Variants in NEMP1 observed in about 807,000 individuals in gnomAD.
NEMP1 encodes transmembrane protein 194.
A neutral mutation model predicts 53.7 loss-of-function variants in NEMP1; 29 were observed. The observed-to-expected ratio is 0.54, with a 90% confidence interval of 0.40 to 0.74. The LOEUF (loss-of-function observed/expected upper bound fraction) is 0.74. NEMP1 is among the 30% of genes least tolerant of loss of function. The pLI, the probability that NEMP1 is intolerant of heterozygous loss-of-function variation, is 0.00. For missense variants in NEMP1, 477 were observed against 528.6 expected (o/e 0.90, Z 0.96); for synonymous variants, 193 against 192.9 (o/e 1.00, Z 0.00).
At position 57,059,608 on chromosome 12, in the gene NEMP1, C is replaced by T. The variant is rs148841771; in HGVS notation, c.*271G>A. 1,486 of 314,186 alleles carry T rather than the reference C, an allele frequency of 4.7e-3. 19 individuals are homozygous for T. The highest frequency in any genetic ancestry group is 0.029 in the African/African-American group (1,378 of 47,590). The allele number at this position is 314,186 out of a possible 1,614,324, so 19.5% of individuals were successfully genotyped here. A position where few individuals can be genotyped will look rare whatever the true frequency, so the allele number is the denominator to read the frequency against. On this transcript the variant is annotated 3_prime_UTR_variant, in exon 9 of 9. Transcript: ENST00000300128. ...GAATGCCATGCTAGCTGTGGCCATC[C>T]AATTTCTCTGGAAACATAAAAGTGG...
chr12:57,064,001 C>A (rs2031947589), intron 6 of NEMP1, 70 bp downstream of exon 6: 1 of 929,962 alleles, frequency 1.1e-6, no homozygotes, highest in African/African-American at 1.8e-5. Context: ...CAGGCAAAAT[C>A]TTTTCATGAT....
chr12:57,057,507 A>T lies in NEMP1; in HGVS notation c.*2372T>A, dbSNP rs542592830. ...AATCTCCGGAACACAGAGGATCTGA[A>T]GCATCTGGGCAGAGCCACAGGCAGG... On this transcript the variant is annotated 3_prime_UTR_variant, in exon 9 of 9. Coordinates refer to ENST00000300128, the MANE Select transcript of NEMP1 (RefSeq NM_001130963.2). 6.6e-6 allele frequency: 1 copy of T among 152,620 alleles called. No individual in the cohort carries two copies. Among genetic ancestry groups the T allele is most frequent in the African/African-American group, 2.4e-5 (1 of 41,464 alleles). 9.5% of individuals were successfully genotyped at this position (152,620 alleles called of 1,614,324 possible).
intron 7 of NEMP1, among the ~76,000 whole-genome samples, chr12:57,062,189 T>C (rs1481363985): frequency 2.0e-5 from 3 of 151,952 alleles, no homozygotes; most frequent in Non-Finnish European, 4.4e-5. Flanking sequence ...TGAGAAATAG[T>C]CTGAAATGGG....
chr12:57,081,423 A>G (rs774164240), upstream of NEMP1, among the ~76,000 whole-genome samples: 27 of 151,792 alleles, frequency 1.8e-4, no homozygotes, highest in Admixed American at 5.9e-4. Context: ...TCATATTTTT[A>G]GTAGAGATGG....
intron 3 of NEMP1, 63 bp from the exon 4 acceptor site, chr12:57,069,369 A>G: frequency 1.8e-6 from 2 of 1,113,342 alleles, no homozygotes; most frequent in South Asian, 1.5e-5. Flanking sequence ...TTATAGAATA[A>G]AAGACAACGT....
Position 57,064,170 on chromosome 12 carries a change from C to A in NEMP1, c.655G>T (p.Val219Phe). 6.2e-7 allele frequency: 1 copy of A among 1,604,698 alleles called. No individual in the cohort carries two copies. Among genetic ancestry groups the A allele is most frequent in the Non-Finnish European group, 8.5e-7 (1 of 1,176,184 alleles). ...KFMPKKSPIY[V>F]ILVGGWSFSL... ...AAAGACCAGCCTCCCACCAGGATGA[C>A]GTAAATGGGACTTTTCTAAGACAGA... Residue 219 changes from valine to phenylalanine, a missense_variant, in exon 6 of 9, where the codon GTC (valine) becomes TTC (phenylalanine). By Grantham distance (50) the Val-to-Phe change is conservative. Transcript: ENST00000300128.
chr12:57,069,248 T>C lies in NEMP1; in HGVS notation c.531A>G (p.Gly177=). ...TTGGAACCTACCTGCTCAGCAAGTC[T>C]CCACAAAAAAATAGCATAAGTCCAA... ...FLLGLMLFFC[G]DLLSRSQIFY... Residue 177 remains glycine (G), a synonymous_variant, in exon 4 of 9, where the codon GGA becomes GGG. Coordinates refer to ENST00000300128, the MANE Select transcript of NEMP1 (RefSeq NM_001130963.2). 5.8e-6 allele frequency: 9 copies of C among 1,546,920 alleles called. No homozygotes were observed. The highest frequency in any genetic ancestry group is 7.9e-6 in the Non-Finnish European group (9 of 1,145,784).
intron 1 of NEMP1, among the ~76,000 whole-genome samples, chr12:57,077,081 C>T (rs559421369): frequency 6.6e-6 from 1 of 152,190 alleles, no homozygotes; most frequent in African/African-American, 2.4e-5. Flanking sequence ...GCCTGTAATC[C>T]CAGCACTTTG....
chr12:57,079,888 A>G (rs1453308759), upstream of NEMP1, among the ~76,000 whole-genome samples: 2 of 152,124 alleles, frequency 1.3e-5, no homozygotes, highest in Non-Finnish European at 2.9e-5. Context: ...TTCCCACCTC[A>G]GCTTCCTAGA....
At position 57,072,926 on chromosome 12, in the gene NEMP1, A is replaced by T. The variant is rs757206462; in HGVS notation, c.128-14T>A. 3 of 1,598,572 alleles carry T rather than the reference A, an allele frequency of 1.9e-6. No homozygotes were observed. The African/African-American group carries it at 4.0e-5, about 22-fold the overall frequency. The stretch of plus-strand genomic sequence containing the variant: ...CATCAGTTTCAGCTTTATGCAAAGA[A>T]AGGAAACAAGAATTAAACATAACAA... On this transcript the variant is annotated splice_polypyrimidine_tract_variant and intron_variant, in intron 1 of 8. Coordinates refer to ENST00000300128, the MANE Select transcript of NEMP1 (RefSeq NM_001130963.2).
At chr12:57,062,488 A>T (rs1565656983) in intron 7 of NEMP1, among the ~76,000 whole-genome samples, 1 of 150,538 alleles carries the variant, frequency 6.6e-6, no homozygotes, top group Admixed American at 6.6e-5. Context: ...TCAAAAAAAA[A>T]ATCTGAACCC....
At chr12:57,060,690 G>T in intron 8 of NEMP1, 82 bp downstream of exon 8, 3 of 1,420,574 alleles carry the variant, frequency 2.1e-6, no homozygotes, top group South Asian at 1.4e-5. Context: ...ACAAGTGCAC[G>T]ATTCTCTAGA....
In NEMP1 at chr12:57,078,686, C is replaced by T. The variant is rs981287054; in HGVS notation, c.60G>A (p.Ser20=). 6.2e-7 allele frequency: 1 copy of T among 1,613,516 alleles called. No individual in the cohort carries two copies. The highest frequency in any genetic ancestry group is 8.5e-7 in the Non-Finnish European group (1 of 1,179,794). ...GCACTGTCCCACCGCCCCCGACTCC[C>T]GAGCCCCAGGGCCCGGGACCAACTG... is the stretch of plus-strand genomic sequence containing the variant. ...SPAVGPGPWG[S]GVGGGGTVRL... is the part of the protein sequence containing the mutation. The change falls in exon 1 of 9, where the codon TCG becomes TCA. Residue 20 remains serine (S), a synonymous_variant. Coordinates refer to ENST00000300128, the MANE Select transcript of NEMP1 (RefSeq NM_001130963.2).
intron 1 of NEMP1, among the ~76,000 whole-genome samples, chr12:57,073,443 CAGCCTGACCAATATGG>C (rs1219213759): frequency 2.0e-5 from 3 of 151,896 alleles, no homozygotes; most frequent in Non-Finnish European, 1.5e-5. Context: ...AGTTTGAGAT[CAGCCTGACCAATATGG>C]AGAAACCCCC....
At chr12:57,069,823 GC>G (rs978194135) in intron 3 of NEMP1, among the ~76,000 whole-genome samples, 2 of 149,684 alleles carry the variant, frequency 1.3e-5, no homozygotes, top group African/African-American at 4.9e-5. Context: ...GGACCAGGGG[GC>G]CCTAGCAAAG....
intron 4 of NEMP1, among the ~76,000 whole-genome samples, chr12:57,065,372 G>C (rs777789573): frequency 5.9e-5 from 9 of 152,094 alleles, no homozygotes; most frequent in Non-Finnish European, 1.3e-4. Context: ...CTTCTCTCTC[G>C]CTATCAAAGT....
chr12:57,065,750 C>G (rs1413914132), intron 4 of NEMP1, among the ~76,000 whole-genome samples: 1 of 151,904 alleles, frequency 6.6e-6, no homozygotes, highest in Non-Finnish European at 1.5e-5. Flanking sequence ...ATCTGCCCGC[C>G]TCAGCCTCCC....
rs1354932694 is a variant in NEMP1 at position 57,057,079 on chromosome 12, GGGAAA to G, written c.*2795_*2799del. 5.9e-5 allele frequency: 9 copies of G among 152,176 alleles called. No individual in the cohort carries two copies. Among genetic ancestry groups the G allele is most frequent in the African/African-American group, 1.9e-4 (8 of 41,436 alleles). The allele number at this position is 152,176 out of a possible 1,614,324, so 9.4% of individuals were successfully genotyped here. A position where few individuals can be genotyped will look rare whatever the true frequency, so the allele number is the denominator to read the frequency against. Reference sequence around the variant, plus strand: ...GTTGGTCTCTTGAAGCAATCTGAGTGGGAAAGGAAAGTGAAAGAAATGTTTTATGC... The same window carrying G: ...GTTGGTCTCTTGAAGCAATCTGAGTGGGAAAGTGAAAGAAATGTTTTATGC... On this transcript the variant is annotated 3_prime_UTR_variant, in exon 9 of 9. Coordinates refer to ENST00000300128, the MANE Select transcript of NEMP1 (RefSeq NM_001130963.2).
intron 4 of NEMP1, among the ~76,000 whole-genome samples, chr12:57,066,365 T>G (rs1463191868): frequency 6.6e-6 from 1 of 152,210 alleles, no homozygotes; most frequent in Non-Finnish European, 1.5e-5. Flanking sequence ...TTCTTATCAC[T>G]TGTGTGTTCC....
Sources: gnomAD v4.1 joint callset for allele counts (sites outside exome capture counted in the v4.1 genomes callset) on GRCh38, gnomAD v4.1.1 for gene constraint, MANE v1.5 for transcripts, NCBI Gene and HGNC (gene_info 2026-07-23, HGNC 2026-07-21) for gene names.